Variants in ATP2C1 observed in about 807,000 individuals in gnomAD.
The protein encoded by ATP2C1 is calcium-transporting ATPase type 2C member 1.
ATP2C1 carries 31 observed loss-of-function variants against 120.5 expected under a neutral mutation model. The ratio of observed to expected loss-of-function variants is 0.26; its 90% CI spans 0.19 to 0.35. ATP2C1 has a LOEUF of 0.35. Ranked by LOEUF, ATP2C1 falls within the 10% of genes least tolerant of loss-of-function variation. ATP2C1 has a pLI of 1.00. For missense variants in ATP2C1, 731 were observed against 1,107.5 expected, an observed-to-expected ratio of 0.66 and a Z score of 4.83; for synonymous variants, 351 against 358.7, an observed-to-expected ratio of 0.98 and a Z score of 0.24.
chr3:131,000,361 A>C (rs555741910), intron 27 of ATP2C1, among the ~76,000 whole-genome samples: 1 of 152,322 alleles, frequency 6.6e-6, no homozygotes, highest in South Asian at 2.1e-4. Flanking sequence ...TCAGTATTTT[A>C]ATTCCATATT....
intron 20 of ATP2C1, among the ~76,000 whole-genome samples, chr3:130,992,041 T>C (rs933196011): frequency 2.6e-5 from 4 of 152,154 alleles, no homozygotes; most frequent in African/African-American, 9.7e-5. Flanking sequence ...GAGAGTGACA[T>C]GGTAGTGAGG....
chr3:130,967,898 A>G (rs2061124889), intron 16 of ATP2C1, among the ~76,000 whole-genome samples: 2 of 152,080 alleles, frequency 1.3e-5, no homozygotes, highest in Non-Finnish European at 2.9e-5. Flanking sequence ...TGTTTTGGGG[A>G]GAAGAAGTCT....
intron 1 of ATP2C1, among the ~76,000 whole-genome samples, chr3:130,878,314 A>G (rs1186375991): frequency 6.6e-6 from 1 of 152,088 alleles, no homozygotes; most frequent in Non-Finnish European, 1.5e-5. Flanking sequence ...GTTTAGCCCT[A>G]AGGTTGCTAT....
chr3:130,941,223 A>AGTGTGTGTGT (rs71774561), intron 7 of ATP2C1, among the ~76,000 whole-genome samples: 14 of 144,424 alleles, frequency 9.7e-5, no homozygotes, highest in African/African-American at 3.4e-4. Flanking sequence ...TGTATTTAAC[A>AGTGTGTGTGT]GTGTGTGTGT....
intron 16 of ATP2C1, 73 bp downstream of exon 16, chr3:130,967,492 C>A: frequency 7.9e-7 from 1 of 1,265,088 alleles, no homozygotes; most frequent in Non-Finnish European, 1.2e-6. Flanking sequence ...TCATCAATTT[C>A]AGTATTACTG....
At chr3:130,924,348 A>T (rs1454150417) in intron 2 of ATP2C1, among the ~76,000 whole-genome samples, 3 of 152,188 alleles carry the variant, frequency 2.0e-5, no homozygotes, top group African/African-American at 7.2e-5. Flanking sequence ...GTTTTGCTGG[A>T]TACAAAATTC....
intron 12 of ATP2C1, among the ~76,000 whole-genome samples, chr3:130,960,636 A>G (rs966813019): frequency 6.6e-6 from 1 of 152,188 alleles, no homozygotes; most frequent in Middle Eastern, 3.2e-3. Context: ...GAGTTAATCA[A>G]ATCCAGAAGG....
Position 130,992,936 on chromosome 3 carries a change from C to A in ATP2C1, c.1840-15C>A. ...TTAATATTGAAGATTTTTAGTGTAT[C>A]TTGTATTTTAACAGGTTGCAGTATT... On this transcript the variant is annotated splice_polypyrimidine_tract_variant and intron_variant, in intron 20 of 27. Transcript: ENST00000510168. 6.2e-7 allele frequency: 1 copy of A among 1,604,388 alleles called. No homozygotes were observed. Among genetic ancestry groups the A allele is most frequent in the Non-Finnish European group, 8.5e-7 (1 of 1,171,730 alleles).
chr3:131,004,380 C>G (rs1444296894), downstream of ATP2C1, among the ~76,000 whole-genome samples: 2 of 152,234 alleles, frequency 1.3e-5, no homozygotes, highest in African/African-American at 4.8e-5. Flanking sequence ...ACCACTTGAA[C>G]TATTAACTCT....
chr3:130,962,107 C>T (rs1304478614), intron 12 of ATP2C1, among the ~76,000 whole-genome samples: 1 of 151,968 alleles, frequency 6.6e-6, no homozygotes, highest in Non-Finnish European at 1.5e-5. Context: ...TTTCATTCAT[C>T]TTTTATGATG....
intron 18 of ATP2C1, among the ~76,000 whole-genome samples, chr3:130,977,540 A>T (rs1375971474): frequency 6.6e-6 from 1 of 152,136 alleles, no homozygotes; most frequent in African/African-American, 2.4e-5. Flanking sequence ...AGAGGTCTTG[A>T]AGGTCTAATA....
chr3:130,944,820 T>C (rs1448318449), intron 8 of ATP2C1, among the ~76,000 whole-genome samples: 1 of 152,192 alleles, frequency 6.6e-6, no homozygotes, highest in Non-Finnish European at 1.5e-5. Flanking sequence ...TCGGTCCTAG[T>C]AGATCCACAG....
chr3:130,996,704 C>T lies in ATP2C1; in HGVS notation c.2151C>T (p.Ile717=). The change falls in exon 24 of 28, where the codon ATC becomes ATT. Residue 717 remains isoleucine (I), a synonymous_variant. Transcript: ENST00000510168. ...GGAGTATAGCAGCATTAACTTTAAT[C>T]TCATTGGCTACATTAATGAACTTTC... is the stretch of plus-strand genomic sequence containing the variant. ...LSTSIAALTL[I]SLATLMNFPN... 1 of 1,609,466 alleles carries T rather than the reference C, an allele frequency of 6.2e-7. No individual in the cohort carries two copies. The highest frequency in any genetic ancestry group is 1.3e-5 in the African/African-American group (1 of 74,926).
chr3:130,955,277 G>C (rs549834343), intron 10 of ATP2C1, among the ~76,000 whole-genome samples, 197 bp downstream of exon 10: 1 of 152,100 alleles, frequency 6.6e-6, no homozygotes, highest in Non-Finnish European at 1.5e-5. Context: ...GTATTCTAAA[G>C]GATTTTGAGC....
At chr3:131,004,131 A>G (rs888110722), downstream of ATP2C1, among the ~76,000 whole-genome samples, 2 of 152,212 alleles carry the variant, frequency 1.3e-5, no homozygotes, top group East Asian at 3.9e-4. Flanking sequence ...GTAAATAGGG[A>G]TCTTTGCCCA....
chr3:130,945,418 G>T (rs1559957578), intron 8 of ATP2C1, among the ~76,000 whole-genome samples: 1 of 151,686 alleles, frequency 6.6e-6, no homozygotes, highest in South Asian at 2.1e-4. Context: ...ACAACATGCA[G>T]GTTTGTTACA....
chr3:130,867,854 C>G (rs1248557259), intron 1 of ATP2C1: 1 of 172,758 alleles, frequency 5.8e-6, no homozygotes, highest in Non-Finnish European at 1.2e-5. Context: ...AGGAGCGCCT[C>G]TTCCCCGCCG....
chr3:130,991,981 A>C (rs900692420), intron 20 of ATP2C1, among the ~76,000 whole-genome samples: 5 of 152,344 alleles, frequency 3.3e-5, no homozygotes, highest in Middle Eastern at 6.8e-3. Context: ...AGGAAAGAGA[A>C]TGGTGTATTA....
intron 17 of ATP2C1, among the ~76,000 whole-genome samples, chr3:130,970,563 T>G (rs538397995): frequency 1.3e-5 from 2 of 152,160 alleles, no homozygotes; most frequent in African/African-American, 4.8e-5. Flanking sequence ...TGGCTAATTT[T>G]GCTAATTTTT....
Sources: gnomAD v4.1 joint callset for allele counts (sites outside exome capture counted in the v4.1 genomes callset) on GRCh38, gnomAD v4.1.1 for gene constraint, MANE v1.5 for transcripts, NCBI Gene and HGNC (gene_info 2026-07-23, HGNC 2026-07-21) for gene names.